Variants in CAPN15 observed in about 807,000 individuals in gnomAD.
CAPN15 encodes calpain 15.
A neutral mutation model predicts 97.9 loss-of-function variants in CAPN15; 53 were observed. The observed-to-expected ratio is 0.54, with a 90% CI of 0.43 to 0.68. The LOEUF is 0.68. Among genes scored for constraint, CAPN15 ranks in the 30% least tolerant of loss-of-function variants. The probability of loss-of-function intolerance (pLI) is 0.00; values close to 1 mark genes in which losing one functional copy is unlikely to be tolerated. For synonymous variants in CAPN15, 922 were observed against 722.5 expected, an observed-to-expected ratio of 1.28 and a Z score of -4.43; for missense variants, 1,592 against 1,589.8, an observed-to-expected ratio of 1.00 and a Z score of -0.02.
intron 3 of CAPN15, chr16:537,675 G>A (rs558680260): frequency 1.9e-4 from 30 of 156,536 alleles, no homozygotes; most frequent in South Asian, 8.1e-4. Context: ...CCCGTCTCCC[G>A]TGAGGGACTC....
chr16:553,018 G>A lies in CAPN15; in HGVS notation c.3060G>A (p.Gln1020=). The A allele has an allele frequency of 6.2e-7, 1 of 1,602,508 alleles. No homozygotes were observed. The highest frequency in any genetic ancestry group is 1.7e-5 in the Admixed American group (1 of 59,174). Reference sequence around the variant, plus strand: ...CCACACGCGGCAGCCTGCGTACCCAGGATAGCGTGCCACCCCTGCACAGGT... The same window carrying A: ...CCACACGCGGCAGCCTGCGTACCCAAGATAGCGTGCCACCCCTGCACAGGT... ...VVSTRGSLRT[Q]DSVPPLHRQV... is the part of the protein sequence containing the mutation. Residue 1020 remains glutamine (Q), a synonymous_variant, in exon 13 of 14, where the codon CAG becomes CAA. Coordinates refer to ENST00000219611, the MANE Select transcript of CAPN15 (RefSeq NM_005632.3).
chr16:550,745 T>TCCCCTGCCGGTGAGGGTC (rs1336575790), intron 7 of CAPN15, among the ~76,000 whole-genome samples: 1 of 5,462 alleles, frequency 1.8e-4, no homozygotes, highest in African/African-American at 3.5e-4. Context: ...TCGGTGAGGG[T>TCCCCTGCCGGTGAGGGTC]CCCGGTCGGT....
Position 552,230 on chromosome 16 carries a change from C to T in CAPN15, c.2507+18C>T, listed in dbSNP as rs1016253552. The T allele has an allele frequency of 1.3e-5, 20 of 1,531,858 alleles. No homozygotes were observed. Among genetic ancestry groups the T allele is most frequent in the Non-Finnish European group, 1.6e-5 (18 of 1,137,698 alleles). 94.9% of individuals were successfully genotyped at this position (1,531,858 alleles called of 1,614,324 possible). ...GGCAGCAGGTGGGTGCTGCGGGGCCCCATCGGGCTGGGCTGGGCTAGGCTG... is the reference window on the plus strand; with the variant it reads ...GGCAGCAGGTGGGTGCTGCGGGGCCTCATCGGGCTGGGCTGGGCTAGGCTG... On this transcript the variant is annotated intron_variant, in intron 10 of 13. Transcript: ENST00000219611. This position sits in a 1 kb window ranked among gnomAD's most constrained non-coding sequence, Gnocchi z 6.4.
chr16:537,105 G>A (rs2033789261), intron 3 of CAPN15: 1 of 982,900 alleles, frequency 1.0e-6, no homozygotes, highest in Admixed American at 6.1e-5. Flanking sequence ...TCCAGCCTCT[G>A]TGACAGGGAC....
chr16:548,275 C>A lies in CAPN15; in HGVS notation c.1437C>A (p.Ala479=). The A allele has an allele frequency of 6.6e-7, 1 of 1,514,244 alleles. No homozygotes were observed. Among genetic ancestry groups the A allele is most frequent in the Non-Finnish European group, 8.8e-7 (1 of 1,133,012 alleles). The allele number at this position is 1,514,244 out of a possible 1,614,324, so 93.8% of individuals were successfully genotyped here. ...EAKALWENIV[A]FCRENNVSFV... is the part of the protein sequence containing the mutation. ...AGGCACTCTGGGAGAACATCGTGGC[C>A]TTCTGCCGGGAGGTGAGGCGCCCCC... The change falls in exon 4 of 14, where the codon GCC becomes GCA. Residue 479 remains alanine (A), a synonymous_variant. Transcript: ENST00000219611.
intron 1 of CAPN15, among the ~76,000 whole-genome samples, chr16:532,231 C>T (rs1234487330): frequency 1.4e-5 from 2 of 145,042 alleles, no homozygotes; most frequent in Non-Finnish European, 1.5e-5. Flanking sequence ...CAGAGCTATA[C>T]TCCGTCTCAA....
intron 3 of CAPN15, among the ~76,000 whole-genome samples, chr16:545,754 C>T (rs1224612729): frequency 6.6e-6 from 1 of 152,242 alleles, no homozygotes; most frequent in African/African-American, 2.4e-5. Context: ...TCTGCCTGCA[C>T]CTGCGGTCAG....
At chr16:544,797 T>TCCCCCACGTCGC (rs2034450293) in intron 3 of CAPN15, among the ~76,000 whole-genome samples, 1 of 14,062 alleles carries the variant, frequency 7.1e-5, no homozygotes, top group Non-Finnish European at 1.1e-4. Flanking sequence ...CACGTCGTCG[T>TCCCCCACGTCGC]CTCCCCCACG....
At chr16:542,634 C>T (rs927069671) in intron 3 of CAPN15, among the ~76,000 whole-genome samples, 1 of 152,148 alleles carries the variant, frequency 6.6e-6, no homozygotes, top group Non-Finnish European at 1.5e-5. Context: ...GTCACCCAGG[C>T]TGGAGTACAG....
intron 7 of CAPN15, among the ~76,000 whole-genome samples, chr16:550,511 G>A (rs1596356109): frequency 6.6e-6 from 1 of 152,236 alleles, no homozygotes; most frequent in East Asian, 1.9e-4. Context: ...CTGTCTTGGT[G>A]GCAAGGTCGC....
chr16:554,018 C>T lies in CAPN15; in HGVS notation c.*502C>T, dbSNP rs543726554. On this transcript the variant is annotated 3_prime_UTR_variant, in exon 14 of 14. Transcript: ENST00000219611. Reference sequence around the variant, plus strand: ...GGGTCCCTGGAGCCCTGGTGTGGAGCGGCGAGTCCCGGGGCGGTGCCTGTC... The same window carrying T: ...GGGTCCCTGGAGCCCTGGTGTGGAGTGGCGAGTCCCGGGGCGGTGCCTGTC... The T allele has an allele frequency of 3.0e-3, 528 of 176,926 alleles. 4 individuals are homozygous for T. The highest frequency in any genetic ancestry group is 0.012 in the African/African-American group (492 of 42,088). The allele number at this position is 176,926 out of a possible 1,614,324, so 11.0% of individuals were successfully genotyped here. A position where few individuals can be genotyped will look rare whatever the true frequency, so the allele number is the denominator to read the frequency against.
At chr16:550,026 CCTT>C (rs2034878332) in intron 7 of CAPN15, among the ~76,000 whole-genome samples, 188 bp downstream of exon 7, 3 of 152,220 alleles carry the variant, frequency 2.0e-5, no homozygotes, top group Admixed American at 2.0e-4. Flanking sequence ...CTGGAGCTGG[CCTT>C]CTCATGCCAG....
intron 2 of CAPN15, among the ~76,000 whole-genome samples, chr16:534,931 G>A (rs1172031252): frequency 6.6e-6 from 1 of 152,192 alleles, no homozygotes; most frequent in African/African-American, 2.4e-5. Context: ...TGCTGTGTGA[G>A]TGGGACACGC....
At chr16:529,127 G>C (rs143676884) in intron 1 of CAPN15, among the ~76,000 whole-genome samples, 2 of 151,894 alleles carry the variant, frequency 1.3e-5, no homozygotes, top group Non-Finnish European at 2.9e-5. Context: ...TTCTGCTTGC[G>C]GGAGGAGCAC....
intron 7 of CAPN15, among the ~76,000 whole-genome samples, chr16:550,551 C>A (rs1246482130): frequency 6.6e-6 from 1 of 152,256 alleles, no homozygotes; most frequent in Non-Finnish European, 1.5e-5. Context: ...CAGCAAGGCC[C>A]CGGTCAGTGA....
In CAPN15 at chr16:547,488, G is replaced by C. The variant is rs1175667131; in HGVS notation, c.650G>C (p.Ser217Thr). 2.5e-6 allele frequency: 4 copies of C among 1,597,332 alleles called. No individual in the cohort carries two copies. Among genetic ancestry groups the C allele is most frequent in the Non-Finnish European group, 3.4e-6 (4 of 1,178,772 alleles). Residue 217 changes from serine (S) to threonine (T), a missense_variant, in exon 4 of 14, where the codon AGC (serine) becomes ACC (threonine). This residue lies in a region of CAPN15 where 883 missense variants were observed against 776.6 expected (regional missense o/e 1.14). Transcript: ENST00000219611. ...EGAEANPPAT[S>T]QGPAAEPEPP... The stretch of plus-strand genomic sequence containing the variant: ...GCCGAGGCCAACCCCCCAGCCACCA[G>C]CCAGGGCCCAGCTGCCGAACCAGAG...
chr16:550,254 G>A (rs1397480599), intron 7 of CAPN15, among the ~76,000 whole-genome samples: 2 of 152,218 alleles, frequency 1.3e-5, no homozygotes, highest in African/African-American at 2.4e-5. Context: ...GCCCCGGTGC[G>A]AGCACCTTGA....
At chr16:548,594 G>A (rs570483156) in intron 4 of CAPN15, among the ~76,000 whole-genome samples, 154 of 152,364 alleles carry the variant, frequency 1.0e-3, no homozygotes, top group African/African-American at 3.4e-3. Flanking sequence ...CTTCCCAGGG[G>A]CAGCGTGGAG....
intron 9 of CAPN15, 44 bp downstream of exon 9, chr16:551,708 T>C (rs2035092379): frequency 6.3e-7 from 1 of 1,577,600 alleles, no homozygotes; most frequent in Non-Finnish European, 8.6e-7. Flanking sequence ...CCCGCCCTCC[T>C]AGGGCCGAGT....
Sources: allele counts gnomAD v4.1 joint callset (sites outside exome capture counted in the v4.1 genomes callset), GRCh38; gene constraint gnomAD v4.1.1; regional missense constraint gnomAD v4.1.1; non-coding constraint Gnocchi (gnomAD v3.1); transcripts MANE v1.5; gene names NCBI Gene and HGNC (gene_info 2026-07-23, HGNC 2026-07-21).